MACROD2: variants seen among roughly 807,000 people sequenced by gnomAD.
MACROD2 encodes mono-ADP ribosylhydrolase 2, also known as ADP-ribose glycohydrolase MACROD2.
In MACROD2, 36 loss-of-function variants were observed where a neutral mutation model predicts 70.4. The ratio of observed to expected loss-of-function variants is 0.51; its 90% CI spans 0.39 to 0.68. The LOEUF (loss-of-function observed/expected upper bound fraction) is 0.68. MACROD2 is among the 30% of genes least tolerant of loss of function. The pLI is 0.00. For missense variants in MACROD2, 496 were observed against 538.4 expected (o/e 0.92, Z 0.78); for synonymous variants, 172 against 178.8 (o/e 0.96, Z 0.30).
At chr20:14,531,250 A>G (rs1444469567) in intron 4 of MACROD2, among the ~76,000 whole-genome samples, 1 of 152,154 alleles carries the variant, frequency 6.6e-6, no homozygotes, top group Admixed American at 6.5e-5. Context: ...TGCGGATACA[A>G]TTAAGGATCT....
chr20:14,244,387 A>C (rs1361706044), intron 3 of MACROD2, among the ~76,000 whole-genome samples: 1 of 144,558 alleles, frequency 6.9e-6, no homozygotes, highest in Admixed American at 7.0e-5. Flanking sequence ...GGGTGATGCT[A>C]AAAAAAAAAA....
intron 5 of MACROD2, among the ~76,000 whole-genome samples, chr20:15,198,301 T>C (rs2076624631): frequency 6.6e-6 from 1 of 152,152 alleles, no homozygotes; most frequent in South Asian, 2.1e-4. Flanking sequence ...TGTGAGCCAC[T>C]GTGCCTGGCC....
intron 5 of MACROD2, among the ~76,000 whole-genome samples, chr20:15,088,412 TA>T (rs374539380): frequency 0.019 from 126 of 6,802 alleles, 8 homozygotes; most frequent in African/African-American, 0.032. Context: ...TATATATATA[TA>T]TATATATATA....
intron 3 of MACROD2, among the ~76,000 whole-genome samples, chr20:14,136,510 A>T (rs1197998213): frequency 6.6e-6 from 1 of 152,114 alleles, no homozygotes; most frequent in Non-Finnish European, 1.5e-5. Context: ...ATCTGCTAGG[A>T]ACTGTTAATG....
chr20:15,096,768 T>A (rs953209317), intron 5 of MACROD2, among the ~76,000 whole-genome samples: 1 of 149,920 alleles, frequency 6.7e-6, no homozygotes, highest in Non-Finnish European at 1.5e-5. Context: ...TGCCTCGGCC[T>A]CCCAAAGTGC....
intron 5 of MACROD2, among the ~76,000 whole-genome samples, chr20:15,105,567 A>G (rs1164233301): frequency 1.3e-5 from 2 of 152,140 alleles, no homozygotes; most frequent in African/African-American, 2.4e-5. Context: ...GTCAGGGAAC[A>G]TATGTGCCCT....
At chr20:14,477,449 T>TACA in intron 3 of MACROD2, among the ~76,000 whole-genome samples, 1 of 152,156 alleles carries the variant, frequency 6.6e-6, no homozygotes, top group African/African-American at 2.4e-5. Context: ...AGCACAAGAT[T>TACA]TTACATAGAA....
intron 3 of MACROD2, among the ~76,000 whole-genome samples, chr20:14,229,109 C>G (rs867005995): frequency 6.6e-6 from 1 of 152,116 alleles, no homozygotes; most frequent in African/African-American, 2.4e-5. Context: ...AGTTGCAAAA[C>G]TATAAAACTT....
At chr20:16,037,716 T>C (rs893959555) in intron 15 of MACROD2, among the ~76,000 whole-genome samples, 11 of 151,916 alleles carry the variant, frequency 7.2e-5, no homozygotes, top group African/African-American at 2.4e-4. Context: ...TTGTGACACG[T>C]CTGTTTGTGT....
chr20:14,424,616 G>A (rs185822274), intron 3 of MACROD2, among the ~76,000 whole-genome samples: 39 of 152,342 alleles, frequency 2.6e-4, no homozygotes, highest in Middle Eastern at 6.8e-3. Context: ...CTGCTGTGAT[G>A]CAATGGAGTC....
chr20:14,092,222 T>G (rs2054159413), intron 3 of MACROD2, among the ~76,000 whole-genome samples: 2 of 152,196 alleles, frequency 1.3e-5, no homozygotes, highest in Non-Finnish European at 2.9e-5. Context: ...TGAATCAGCA[T>G]CATCATTATT....
chr20:14,278,007 G>T (rs767517367), intron 3 of MACROD2, among the ~76,000 whole-genome samples: 16 of 152,296 alleles, frequency 1.1e-4, no homozygotes, highest in South Asian at 2.1e-4. Flanking sequence ...TACTTAGTTT[G>T]CCTGAGGGAA....
chr20:14,763,590 G>A (rs1368469900), intron 5 of MACROD2, among the ~76,000 whole-genome samples: 1 of 152,144 alleles, frequency 6.6e-6, no homozygotes, highest in Non-Finnish European at 1.5e-5. Flanking sequence ...GAGATACTTA[G>A]AAGATGGAAT....
chr20:15,751,781 A>G (rs2051274311), intron 8 of MACROD2, among the ~76,000 whole-genome samples: 1 of 151,680 alleles, frequency 6.6e-6, no homozygotes, highest in African/African-American at 2.4e-5. Flanking sequence ...ATAATGAGAA[A>G]GTGTCATAAA....
chr20:15,667,499 G>GTATCTATC (rs76898460), intron 8 of MACROD2, among the ~76,000 whole-genome samples: 50,859 of 150,240 alleles, frequency 0.34, 9,802 homozygotes, highest in South Asian at 0.44. Flanking sequence ...ATCTATCTAT[G>GTATCTATC]TATCTATCTA....
chr20:14,471,255 A>G (rs2084527480), intron 3 of MACROD2, among the ~76,000 whole-genome samples: 1 of 151,918 alleles, frequency 6.6e-6, no homozygotes, highest in East Asian at 1.9e-4. Flanking sequence ...GGCTGCACCT[A>G]CTGTCTAACC....
intron 3 of MACROD2, among the ~76,000 whole-genome samples, chr20:14,107,532 A>G (rs1278806348): frequency 1.3e-5 from 2 of 152,192 alleles, no homozygotes; most frequent in African/African-American, 4.8e-5. Context: ...AAAGATATCA[A>G]TATTTCAGTA....
chr20:15,704,039 AG>A (rs1390677391), intron 8 of MACROD2, among the ~76,000 whole-genome samples: 1 of 152,238 alleles, frequency 6.6e-6, no homozygotes, highest in Non-Finnish European at 1.5e-5. Context: ...CCAGGGGGTG[AG>A]AATGACTGAC....
intron 6 of MACROD2, among the ~76,000 whole-genome samples, chr20:15,247,602 G>A (rs918605539): frequency 1.8e-4 from 28 of 152,118 alleles, no homozygotes; most frequent in Non-Finnish European, 2.9e-4. Flanking sequence ...CCTAGGCTGC[G>A]AAACCCTGAA....
Sources: gnomAD v4.1 joint callset for allele counts (sites outside exome capture counted in the v4.1 genomes callset) on GRCh38, gnomAD v4.1.1 for gene constraint, MANE v1.5 for transcripts, NCBI Gene and HGNC (gene_info 2026-07-23, HGNC 2026-07-21) for gene names.